The following SMC5 variants were observed in gnomAD, a reference collection of about 807,000 sequenced individuals.
The protein encoded by SMC5 is structural maintenance of chromosomes protein 5.
A neutral mutation model predicts 148.3 loss-of-function variants in SMC5; 88 were observed. The observed-to-expected ratio is 0.59, with a 90% CI of 0.50 to 0.71. The LOEUF (loss-of-function observed/expected upper bound fraction) is 0.71. SMC5 is among the 30% of genes least tolerant of loss of function. SMC5 has a pLI of 0.00. For missense variants in SMC5, 1,142 were observed against 1,298.9 expected, an observed-to-expected ratio of 0.88 and a Z score of 1.86; for synonymous variants, 421 against 432.8, an observed-to-expected ratio of 0.97 and a Z score of 0.34.
intron 9 of SMC5, among the ~76,000 whole-genome samples, chr9:70,298,590 G>C (rs1373424805): frequency 1.3e-5 from 2 of 151,598 alleles, no homozygotes; most frequent in Admixed American, 6.6e-5. Flanking sequence ...TTCATCTTTG[G>C]TTTTCTTTTT....
At chr9:70,279,376 C>T (rs1310821228) in intron 5 of SMC5, among the ~76,000 whole-genome samples, 1 of 151,910 alleles carries the variant, frequency 6.6e-6, no homozygotes, top group Non-Finnish European at 1.5e-5. Flanking sequence ...AAAAGTTAGC[C>T]AGGCATGGTG....
chr9:70,312,145 A>C lies in SMC5; in HGVS notation c.1579-2597A>C, dbSNP rs1010498519. On this transcript the variant is annotated intron_variant, in intron 11 of 24. Coordinates refer to ENST00000361138, the MANE Select transcript of SMC5 (RefSeq NM_015110.4). ...CAAAAAAAAAAAAAAAAAAAAAAAA[A>C]AAACTTCCTGAGACTAGGTAATTTG... 11 of 152,994 alleles carry C rather than the reference A, an allele frequency of 7.2e-5. 1 individual carries two copies. Among genetic ancestry groups the C allele is most frequent in the Admixed American group, 3.3e-4 (5 of 15,160 alleles). 9.5% of individuals were successfully genotyped at this position (152,994 alleles called of 1,614,324 possible).
intron 17 of SMC5, among the ~76,000 whole-genome samples, chr9:70,342,840 T>C (rs1203448595): frequency 1.3e-5 from 2 of 152,234 alleles, no homozygotes; most frequent in East Asian, 3.8e-4. Flanking sequence ...CCACATTAGA[T>C]TACTTGTTTC....
intron 10 of SMC5, among the ~76,000 whole-genome samples, chr9:70,302,530 G>A (rs2035387412): frequency 6.6e-6 from 1 of 151,674 alleles, no homozygotes; most frequent in South Asian, 2.1e-4. Flanking sequence ...AATTAGCTGG[G>A]CATCGTGGCA....
At chr9:70,339,796 A>T (rs1327218887) in intron 17 of SMC5, among the ~76,000 whole-genome samples, 1 of 152,144 alleles carries the variant, frequency 6.6e-6, no homozygotes, top group African/African-American at 2.4e-5. Context: ...AGATTTTTGG[A>T]AGGTAAATAG....
intron 22 of SMC5, among the ~76,000 whole-genome samples, chr9:70,349,269 G>A (rs896848631): frequency 2.0e-5 from 3 of 152,106 alleles, no homozygotes; most frequent in Non-Finnish European, 4.4e-5. Context: ...ATTTCCCCAT[G>A]TTGGCCAGGC....
chr9:70,293,233 G>A (rs2035111364), intron 8 of SMC5, among the ~76,000 whole-genome samples: 1 of 152,058 alleles, frequency 6.6e-6, no homozygotes, highest in Non-Finnish European at 1.5e-5. Flanking sequence ...TTTTGTCCAA[G>A]TTGTCAAATT....
chr9:70,329,809 A>C (rs542560332), intron 17 of SMC5, among the ~76,000 whole-genome samples: 1 of 152,198 alleles, frequency 6.6e-6, no homozygotes, highest in Non-Finnish European at 1.5e-5. Flanking sequence ...ACTACCTGAG[A>C]CTGGGTAATT....
intron 17 of SMC5, among the ~76,000 whole-genome samples, chr9:70,331,020 A>C (rs2036205356): frequency 6.6e-6 from 1 of 152,228 alleles, no homozygotes; most frequent in African/African-American, 2.4e-5. Context: ...CTTTATACTT[A>C]AAACACATCT....
At chr9:70,299,472 G>A (rs2035299346) in intron 9 of SMC5, among the ~76,000 whole-genome samples, 2 of 151,828 alleles carry the variant, frequency 1.3e-5, no homozygotes, top group African/African-American at 4.8e-5. Context: ...CTCCTGCATG[G>A]TTATCATTTG....
At chr9:70,259,603 T>A (rs969410319) in intron 1 of SMC5, among the ~76,000 whole-genome samples, 1 of 152,102 alleles carries the variant, frequency 6.6e-6, no homozygotes, top group African/African-American at 2.4e-5. Context: ...TTCACAGAAG[T>A]ATTGTCCCCG....
rs1229417518 is a variant in SMC5 at position 70,324,197 on chromosome 9, G to GA, written c.2397+58dup. 2.6e-6 allele frequency: 4 copies of GA among 1,533,694 alleles called. No individual in the cohort carries two copies. The African/African-American group carries it at 5.7e-5, about 22-fold the overall frequency. On this transcript the variant is annotated intron_variant, in intron 17 of 24. Transcript: ENST00000361138. ...TGAGGTTCTAACCTCAGACTGGTTT[G>GA]AAAATATATATCGTGTCATCACTAG...
Position 70,347,619 on chromosome 9 carries a change from C to A in SMC5, c.2671C>A (p.Gln891Lys), listed in dbSNP as rs754524518. The A allele has an allele frequency of 6.5e-7, 1 of 1,539,726 alleles. No individual in the cohort carries two copies. ...TTTTTTTTTCCCCTGCCAGATTGTT[C>A]AGGAATATACAAAAAGAGAAGAAGA... ...CFTGLNPTIV[Q>K]EYTKREEEIE... Residue 891 changes from glutamine (Q) to lysine (K), a missense_variant, in exon 21 of 25, where the codon CAG becomes AAG. Around this residue, in one of 5 missense-constraint regions of SMC5, gnomAD observed 743 missense variants for 835.7 expected, o/e 0.89. Coordinates refer to ENST00000361138, the MANE Select transcript of SMC5 (RefSeq NM_015110.4).
chr9:70,291,724 A>T (rs2035065043), intron 8 of SMC5, among the ~76,000 whole-genome samples: 1 of 152,200 alleles, frequency 6.6e-6, no homozygotes, highest in Non-Finnish European at 1.5e-5. Flanking sequence ...GTGAGCTGTG[A>T]GTCAGGTCAA....
intron 15 of SMC5, among the ~76,000 whole-genome samples, chr9:70,320,854 A>G (rs560517016): frequency 6.6e-6 from 1 of 152,376 alleles, no homozygotes; most frequent in South Asian, 2.1e-4. Flanking sequence ...TTTCAATTGC[A>G]TGGCAGTGAA....
Position 70,270,161 on chromosome 9 carries a change from T to C in SMC5, c.380+2186T>C, listed in dbSNP as rs145619897. Among the ~76,000 whole-genome samples the C allele has an allele frequency of 3.9e-3, 599 of 152,296 alleles. 3 individuals are homozygous for C. Among genetic ancestry groups the C allele is most frequent in the African/African-American group, 0.013 (554 of 41,564 alleles). On this transcript the variant is annotated intron_variant, in intron 3 of 24. Coordinates refer to ENST00000361138, the MANE Select transcript of SMC5 (RefSeq NM_015110.4). ...TGCCCTGTACTTCTGACCAACCAGC[T>C]GTAAATTGAGGTTCTCAGGACCCCT...
At chr9:70,289,153 T>TGAG (rs1462730001) in intron 8 of SMC5, among the ~76,000 whole-genome samples, 1 of 152,114 alleles carries the variant, frequency 6.6e-6, no homozygotes, top group Non-Finnish European at 1.5e-5. Flanking sequence ...TTCTCCTGCC[T>TGAG]GAGTCTCCCA....
Position 70,324,021 on chromosome 9 carries a change from A to G in SMC5, c.2275A>G (p.Ile759Val). 6.4e-7 allele frequency: 1 copy of G among 1,554,460 alleles called. No homozygotes were observed. The highest frequency in any genetic ancestry group is 8.6e-7 in the Non-Finnish European group (1 of 1,159,050). ...LVTELTNLIKICTSLHIQKVD... is the reference protein window; with the variant it reads ...LVTELTNLIKVCTSLHIQKVD... ...AACTCTTAGGGGTTTTTGTTCCTAGATTTGTACTTCTTTGCATATACAAAA... is the reference window on the plus strand; with the variant it reads ...AACTCTTAGGGGTTTTTGTTCCTAGGTTTGTACTTCTTTGCATATACAAAA... Residue 759 changes from isoleucine to valine, a missense_variant and splice_region_variant, in exon 17 of 25, where the codon ATT becomes GTT. By Grantham distance (29) the Ile-to-Val change is conservative. Around this residue, in one of 5 missense-constraint regions of SMC5, gnomAD observed 743 missense variants for 835.7 expected, o/e 0.89. Transcript: ENST00000361138.
intron 8 of SMC5, among the ~76,000 whole-genome samples, chr9:70,289,282 C>A (rs2034993804): frequency 6.6e-6 from 1 of 152,130 alleles, no homozygotes; most frequent in African/African-American, 2.4e-5. Flanking sequence ...AAGTGATCCA[C>A]CTGCCTTGGC....
Sources: allele counts gnomAD v4.1 joint callset (sites outside exome capture counted in the v4.1 genomes callset), GRCh38; gene constraint gnomAD v4.1.1; regional missense constraint gnomAD v4.1.1; transcripts MANE v1.5; gene names NCBI Gene and HGNC (gene_info 2026-07-23, HGNC 2026-07-21).